Variants in TLR1 observed in about 807,000 individuals in gnomAD.
TLR1 encodes the protein toll like receptor 1.
TLR1 carries 19 observed loss-of-function variants against 20.2 expected under a neutral mutation model. That is an observed-to-expected ratio of 0.94 (90% CI 0.66 to 1.38). The LOEUF (loss-of-function observed/expected upper bound fraction) is 1.38, where lower values mean the gene tolerates loss of function less well. TLR1 is among the 40% of genes most tolerant of loss of function. TLR1 has a pLI of 0.00. For synonymous variants in TLR1, 320 were observed against 334.5 expected, an observed-to-expected ratio of 0.96 and a Z score of 0.47; for missense variants, 921 against 910.0, an observed-to-expected ratio of 1.01 and a Z score of -0.16.
In TLR1 at chr4:38,798,476, A is replaced by G. The variant is rs1726358088; in HGVS notation, c.356T>C (p.Leu119Ser). The G allele has an allele frequency of 1.9e-6, 3 of 1,614,184 alleles. No individual in the cohort carries two copies. The East Asian group carries it at 6.7e-5, about 36-fold the overall frequency. ...ATCAAATGCATTAAATGACAGGTCCAAGTGCTTGAGGTTCACAGTAGGGTG... is the reference window on the plus strand; with the variant it reads ...ATCAAATGCATTAAATGACAGGTCCGAGTGCTTGAGGTTCACAGTAGGGTG... The part of the protein sequence containing the change: ...SCHPTVNLKH[L>S]DLSFNAFDAL... Residue 119 changes from leucine (L) to serine (S), a missense_variant, in exon 4 of 4, where the codon TTG becomes TCG. Transcript: ENST00000308979.
chr4:38,795,986 G>A (rs892789780), downstream of TLR1, among the ~76,000 whole-genome samples: 1 of 152,132 alleles, frequency 6.6e-6, no homozygotes, highest in Non-Finnish European at 1.5e-5. Context: ...GATGGTGGGG[G>A]GTTGGGGAGG....
Position 38,797,729 on chromosome 4 carries a change from C to G in TLR1, c.1103G>C (p.Cys368Ser). Residue 368 changes from cysteine to serine, a missense_variant, in exon 4 of 4, where the codon TGT (cysteine) becomes TCT (serine). Physicochemically the swap from Cys to Ser is moderately radical, Grantham distance 112. Transcript: ENST00000308979. ...TGTCTCCAACTCAGTAAGGTGCCCA[C>G]AATTTTCAAAAACCGTGTCTGTTAA... ...NLLTDTVFEN[C>S]GHLTELETLI... 6.2e-7 allele frequency: 1 copy of G among 1,613,632 alleles called. No individual in the cohort carries two copies. The highest frequency in any genetic ancestry group is 1.1e-5 in the South Asian group (1 of 90,952).
At chr4:38,792,352 T>C (rs1437969717), downstream of TLR1, among the ~76,000 whole-genome samples, 1 of 152,190 alleles carries the variant, frequency 6.6e-6, no homozygotes, top group Non-Finnish European at 1.5e-5. Flanking sequence ...CAAACACCAG[T>C]TGTAGGCAAG....
At chr4:38,805,429 T>C (rs918338865), upstream of TLR1, 1 of 152,196 alleles carries the variant, frequency 6.6e-6, no homozygotes. Flanking sequence ...AGAAAAGAGA[T>C]TCTTAGCGTG....
intron 2 of TLR1, among the ~76,000 whole-genome samples, chr4:38,802,598 CA>C (rs992509235): frequency 6.6e-6 from 1 of 152,236 alleles, no homozygotes; most frequent in Admixed American, 6.5e-5. Context: ...AAATAAGCCC[CA>C]AGTAATAGGT....
downstream of TLR1, among the ~76,000 whole-genome samples, chr4:38,795,090 AT>A (rs1725949374): frequency 6.6e-6 from 1 of 152,082 alleles, no homozygotes; most frequent in African/African-American, 2.4e-5. Context: ...GCCACTAGGG[AT>A]TGTCTGAGAA....
Position 38,798,695 on chromosome 4 carries a change from T to G in TLR1, c.137A>C (p.Lys46Thr). Residue 46 changes from lysine to threonine, a missense_variant, in exon 4 of 4, where the codon AAA (lysine) becomes ACA (threonine). Transcript: ENST00000308979. ...LIHVPKDLSQ[K>T]TTILNISQNY... The stretch of plus-strand genomic sequence containing the variant: ...TTGCGATATATTTAAGATTGTTGTT[T>G]TCTGGGATAGGTCTTTAGGAACGTG... The G allele has an allele frequency of 1.2e-6, 2 of 1,614,042 alleles. No individual in the cohort carries two copies. The highest frequency in any genetic ancestry group is 1.7e-6 in the Non-Finnish European group (2 of 1,179,976).
Position 38,797,946 on chromosome 4 carries a change from C to CT in TLR1, c.885_886insA (p.Gly296ArgfsTer26), listed in dbSNP as rs1380590618. On this transcript the variant is annotated frameshift_variant, in exon 4 of 4. Coordinates refer to ENST00000308979, the MANE Select transcript of TLR1 (RefSeq NM_003263.4). LOFTEE classifies it low-confidence loss of function (END_TRUNC). ...ATAGACAAGGCCTTCAAGGAAGTGC[C>CT]AGAATAATCAAAATCTCTGAAGTCC... is the stretch of plus-strand genomic sequence containing the variant. 1 of 1,614,024 alleles carries CT rather than the reference C, an allele frequency of 6.2e-7. No homozygotes were observed. Among genetic ancestry groups the CT allele is most frequent in the East Asian group, 2.2e-5 (1 of 44,890 alleles).
At chr4:38,789,639 T>C (rs1300829519), downstream of TLR1, among the ~76,000 whole-genome samples, 1 of 152,166 alleles carries the variant, frequency 6.6e-6, no homozygotes, top group Non-Finnish European at 1.5e-5. Context: ...ATTTTTGTAT[T>C]TTTAGTAGAG....
downstream of TLR1, among the ~76,000 whole-genome samples, chr4:38,791,414 GGA>G (rs1725718203): frequency 6.6e-6 from 1 of 152,100 alleles, no homozygotes; most frequent in Admixed American, 6.5e-5. Flanking sequence ...ACATATCAAT[GGA>G]GATCTTAGTG....
At position 38,798,021 on chromosome 4, in the gene TLR1, T is replaced by C. The variant is rs1266877047; in HGVS notation, c.811A>G (p.Thr271Ala). 2 of 1,614,182 alleles carry C rather than the reference T, an allele frequency of 1.2e-6. No homozygotes were observed. Among genetic ancestry groups the C allele is most frequent in the Non-Finnish European group, 1.7e-6 (2 of 1,180,024 alleles). ...GAAATTGAGAAATACCATACAGTTG[T>C]ATGCCAAACCAGCTGGAGGATCCTA... is the stretch of plus-strand genomic sequence containing the variant. ...FIRILQLVWHTTVWYFSISNV... is the reference protein window; with the variant it reads ...FIRILQLVWHATVWYFSISNV... Residue 271 changes from threonine to alanine, a missense_variant, in exon 4 of 4, where the codon ACA (threonine) becomes GCA (alanine). Transcript: ENST00000308979.
chr4:38,795,287 G>C (rs1446738367), downstream of TLR1, among the ~76,000 whole-genome samples: 1 of 152,162 alleles, frequency 6.6e-6, no homozygotes, highest in Non-Finnish European at 1.5e-5. Context: ...TAAAGTGAAA[G>C]ATACATGGTG....
rs1560465022 is a variant in TLR1 at position 38,804,389 on chromosome 4, AG to A, written c.-236-8del. The A allele has an allele frequency of 6.6e-6, 1 of 152,246 alleles. No homozygotes were observed. Among genetic ancestry groups the A allele is most frequent in the Non-Finnish European group, 1.5e-5 (1 of 68,032 alleles). 9.4% of individuals were successfully genotyped at this position (152,246 alleles called of 1,614,324 possible). ...TATCTCATTTTCTTTAACACTGAGAAGAGAATACAAATGGCGGGATTAGGTG... is the reference window on the plus strand; with the variant it reads ...TATCTCATTTTCTTTAACACTGAGAAAGAATACAAATGGCGGGATTAGGTG... On this transcript the variant is annotated splice_polypyrimidine_tract_variant and splice_region_variant and intron_variant, in intron 1 of 3. Transcript: ENST00000308979.
At chr4:38,788,218 A>T (rs1725649341), downstream of TLR1, among the ~76,000 whole-genome samples, 1 of 152,212 alleles carries the variant, frequency 6.6e-6, no homozygotes, top group African/African-American at 2.4e-5. Context: ...CAAGGGAAAC[A>T]CAAATAGAGA....
Position 38,798,080 on chromosome 4 carries a change from A to T in TLR1, c.752T>A (p.Leu251Ter). ...ATTCCAAGTTGTTTCAATGTTGTTTAAGGTAAGATTTGATAACTTTGGATT... is the reference window on the plus strand; with the variant it reads ...ATTCCAAGTTGTTTCAATGTTGTTTTAGGTAAGATTTGATAACTTTGGATT... ...QTNPKLSNLT[L>*]NNIETTWNSF... The change falls in exon 4 of 4, where the codon TTA becomes TAA. Residue 251 changes from leucine (L) to a stop codon, truncating the protein, a stop_gained. Transcript: ENST00000308979. LOFTEE classifies it low-confidence loss of function (END_TRUNC). The T allele has an allele frequency of 6.2e-7, 1 of 1,613,720 alleles. No homozygotes were observed. Among genetic ancestry groups the T allele is most frequent in the South Asian group, 1.1e-5 (1 of 91,044 alleles).
rs1014362334 is a variant in TLR1 at position 38,797,320 on chromosome 4, G to A, written c.1512C>T (p.His504=). ...AGCTCTGGAAGAAATCAGCCGATGG[G>A]TGGGAAACTGAATTGTGATCAATGA... ...VLIIDHNSVS[H]PSADFFQSCQ... Residue 504 remains histidine, a synonymous_variant, in exon 4 of 4, where the codon CAC becomes CAT. Transcript: ENST00000308979. The A allele has an allele frequency of 6.2e-7, 1 of 1,614,036 alleles. No homozygotes were observed. The highest frequency in any genetic ancestry group is 1.3e-5 in the African/African-American group (1 of 74,924).
Position 38,796,741 on chromosome 4 carries a change from C to G in TLR1, c.2091G>C (p.Leu697Phe), listed in dbSNP as rs1291047437. The G allele has an allele frequency of 1.2e-6, 2 of 1,614,012 alleles. No homozygotes were observed. Among genetic ancestry groups the G allele is most frequent in the South Asian group, 2.2e-5 (2 of 91,086 alleles). ...IEKSYKSIFV[L>F]SPNFVQSEWC... is the part of the protein sequence containing the mutation. ...ATTCACTCTGGACAAAGTTGGGAGA[C>G]AAAACAAAGATGGACTTGTAACTCT... The change falls in exon 4 of 4, where the codon TTG (leucine) becomes TTC (phenylalanine). Residue 697 changes from leucine (L) to phenylalanine (F), a missense_variant. Coordinates refer to ENST00000308979, the MANE Select transcript of TLR1 (RefSeq NM_003263.4).
At chr4:38,798,920 G>A in intron 3 of TLR1, 22 bp from the exon 4 acceptor site, 1 of 1,081,196 alleles carries the variant, frequency 9.2e-7, no homozygotes, top group Non-Finnish European at 1.3e-6. Flanking sequence ...ATAATGAAAT[G>A]ATGAAATACA....
downstream of TLR1, among the ~76,000 whole-genome samples, chr4:38,789,454 T>A (rs543420551): frequency 6.6e-6 from 1 of 152,294 alleles, no homozygotes; most frequent in Non-Finnish European, 1.5e-5. Context: ...TTTATCTAAC[T>A]CAATGGTTTA....
Sources: gnomAD v4.1 joint callset for allele counts (sites outside exome capture counted in the v4.1 genomes callset) on GRCh38, gnomAD v4.1.1 for gene constraint, MANE v1.5 for transcripts, NCBI Gene and HGNC (gene_info 2026-07-23, HGNC 2026-07-21) for gene names.